The following HOOK3 variants were observed in gnomAD, a reference collection of about 807,000 sequenced individuals.
HOOK3 encodes the protein protein Hook homolog 3.
A neutral mutation model predicts 116.3 loss-of-function variants in HOOK3; 24 were observed. The observed-to-expected ratio is 0.21, with a 90% CI of 0.15 to 0.29. The LOEUF is 0.29. Ranked by LOEUF, HOOK3 falls within the 10% of genes least tolerant of loss-of-function variation. The probability of loss-of-function intolerance (pLI) is 1.00; values close to 1 mark genes in which losing one functional copy is unlikely to be tolerated. For missense variants in HOOK3, 632 were observed against 830.2 expected (o/e 0.76, Z 2.93); for synonymous variants, 275 against 283.0 (o/e 0.97, Z 0.28).
intron 6 of HOOK3, among the ~76,000 whole-genome samples, chr8:42,953,528 CACTCCAG>C (rs1195657119): frequency 6.6e-6 from 1 of 151,084 alleles, no homozygotes; most frequent in Non-Finnish European, 1.5e-5. Flanking sequence ...TGCGCCACTG[CACTCCAG>C]CCTGGGTGAT....
At chr8:43,015,943 CCTG>C (rs914536862) in intron 21 of HOOK3, among the ~76,000 whole-genome samples, 2 of 150,906 alleles carry the variant, frequency 1.3e-5, no homozygotes, top group African/African-American at 4.9e-5. Context: ...TTCTTGAATT[CCTG>C]ACCTCGTGAT....
At chr8:42,905,924 A>G (rs763980436) in intron 1 of HOOK3, among the ~76,000 whole-genome samples, 15 of 152,074 alleles carry the variant, frequency 9.9e-5, no homozygotes, top group Non-Finnish European at 1.8e-4. Flanking sequence ...TGTATCTACT[A>G]AAGATACAGA....
At chr8:42,950,330 G>A (rs1808316191) in intron 5 of HOOK3, 58 bp from the exon 6 acceptor site, 1 of 1,122,986 alleles carries the variant, frequency 8.9e-7, no homozygotes, top group Non-Finnish European at 1.4e-6. Flanking sequence ...TATGAGCCTT[G>A]ATTCCCTTGA....
chr8:42,960,602 CTT>C (rs1158917629), intron 8 of HOOK3, among the ~76,000 whole-genome samples: 13 of 152,148 alleles, frequency 8.5e-5, no homozygotes, highest in Admixed American at 8.5e-4. Flanking sequence ...GAAATGATGG[CTT>C]TCATCTTAAC....
chr8:42,975,772 C>A (rs1288847572), intron 13 of HOOK3, among the ~76,000 whole-genome samples: 1 of 152,198 alleles, frequency 6.6e-6, no homozygotes, highest in East Asian at 1.9e-4. Context: ...GTGGCGAGAT[C>A]TTGGCTCAGT....
intron 14 of HOOK3, among the ~76,000 whole-genome samples, chr8:42,984,761 G>A (rs1467511244): frequency 6.6e-6 from 1 of 152,042 alleles, no homozygotes; most frequent in Admixed American, 6.5e-5. Flanking sequence ...AAAATTAGCT[G>A]GGTGTGCTAG....
chr8:42,968,147 T>A lies in HOOK3; in HGVS notation c.1055T>A (p.Val352Asp), dbSNP rs375821032. The change falls in exon 11 of 22, where the codon GTC becomes GAC. Residue 352 changes from valine (V) to aspartate (D), a missense_variant. Transcript: ENST00000307602. ...AATACCATGTATATGCAGAATACTG[T>A]CAGTCTAGAGGAAGAGTTAAGAAAG... ...EKNTMYMQNTVSLEEELRKAN... is the reference protein window; with the variant it reads ...EKNTMYMQNTDSLEEELRKAN... The A allele has an allele frequency of 6.2e-7, 1 of 1,613,912 alleles. No individual in the cohort carries two copies. Among genetic ancestry groups the A allele is most frequent in the Non-Finnish European group, 8.5e-7 (1 of 1,179,834 alleles).
intron 3 of HOOK3, among the ~76,000 whole-genome samples, chr8:42,926,783 T>A (rs945861406): frequency 5.9e-5 from 9 of 152,236 alleles, no homozygotes; most frequent in Non-Finnish European, 1.3e-4. Flanking sequence ...TATGTTAGTG[T>A]GTGCAGTTCT....
intron 1 of HOOK3, among the ~76,000 whole-genome samples, chr8:42,900,003 C>G (rs1277379671): frequency 6.6e-6 from 1 of 152,112 alleles, no homozygotes; most frequent in East Asian, 1.9e-4. Flanking sequence ...AGCTCAAGTA[C>G]TTAAAGGGAT....
At chr8:42,940,541 G>A (rs370299457) in intron 4 of HOOK3, among the ~76,000 whole-genome samples, 6 of 152,160 alleles carry the variant, frequency 3.9e-5, no homozygotes, top group African/African-American at 7.2e-5. Flanking sequence ...GAGGGAGAGC[G>A]AAAATGCTTT....
intron 8 of HOOK3, among the ~76,000 whole-genome samples, chr8:42,962,598 G>T (rs903381596): frequency 2.8e-4 from 43 of 151,390 alleles, no homozygotes; most frequent in African/African-American, 1.0e-3. Flanking sequence ...TGGAGACAGG[G>T]TCTCACTGTG....
chr8:42,931,425 CTT>C lies in HOOK3; in HGVS notation c.267+1276_267+1277del, dbSNP rs764965780. Among the ~76,000 whole-genome samples the C allele has an allele frequency of 9.6e-3, 959 of 100,356 alleles. 1 individual carries two copies. The highest frequency in any genetic ancestry group is 0.015 in the Non-Finnish European group (784 of 53,908). 65.8% of individuals were successfully genotyped at this position (100,356 alleles called of 152,430 possible). On this transcript the variant is annotated intron_variant, in intron 4 of 21. Transcript: ENST00000307602. ...TCACCCCATTATATTCTTCTCTTCT[CTT>C]TTTTTTTTTTTTTTTTTTTTTTGAG...
rs747773074 is a variant in HOOK3, at chr8:42,943,305, C to A, written c.268-8C>A. 6 of 1,434,306 alleles carry A rather than the reference C, an allele frequency of 4.2e-6. No homozygotes were observed. Among genetic ancestry groups the A allele is most frequent in the Middle Eastern group, 1.8e-4 (1 of 5,424 alleles). 88.8% of individuals were successfully genotyped at this position (1,434,306 alleles called of 1,614,324 possible). A position where few individuals can be genotyped will look rare whatever the true frequency, so the allele number is the denominator to read the frequency against. On this transcript the variant is annotated splice_polypyrimidine_tract_variant and splice_region_variant and intron_variant, in intron 4 of 21. Transcript: ENST00000307602. ...AAATGCAATTATAATCCTTTTATCT[C>A]CATTCAGATTTTAGGACAGCAAATT...
intron 14 of HOOK3, among the ~76,000 whole-genome samples, chr8:42,983,370 C>T (rs533096495): frequency 5.3e-4 from 80 of 151,652 alleles, no homozygotes; most frequent in Non-Finnish European, 9.1e-4. Flanking sequence ...GCTAACCACA[C>T]GGAAAGGTCT....
intron 4 of HOOK3, among the ~76,000 whole-genome samples, chr8:42,935,555 G>A (rs894787735): frequency 6.6e-6 from 1 of 152,038 alleles, no homozygotes; most frequent in African/African-American, 2.4e-5. Context: ...TCCATCTTGA[G>A]TTAATTTTTG....
At chr8:42,926,403 AGCCTTCCAAGGAGCTTAGGATTACAG>A (rs1192679735) in intron 3 of HOOK3, among the ~76,000 whole-genome samples, 3 of 152,288 alleles carry the variant, frequency 2.0e-5, no homozygotes, top group Admixed American at 6.5e-5. Flanking sequence ...CTCCTGCCTT[AGCCTTCCAAGGAGCTTAGGATTACAG>A]GCATCCGCCA....
chr8:42,931,492 C>T lies in HOOK3; in HGVS notation c.267+1320C>T, dbSNP rs181483768. 1.0e-4 allele frequency among the ~76,000 whole-genome samples: 14 copies of T among 137,900 alleles called. No individual in the cohort carries two copies. In the East Asian group the frequency reaches 3.0e-3, roughly 30 times the overall value. 90.5% of individuals were successfully genotyped at this position (137,900 alleles called of 152,430 possible). A position where few individuals can be genotyped will look rare whatever the true frequency, so the allele number is the denominator to read the frequency against. On this transcript the variant is annotated intron_variant, in intron 4 of 21. Coordinates refer to ENST00000307602, the MANE Select transcript of HOOK3 (RefSeq NM_032410.4). ...TGTCACCCAGTGTGGAGTGCAGTGG[C>T]GCAATCTCAGCTCACTGCAAGCTCT...
chr8:43,013,247 T>C (rs1809646431), intron 20 of HOOK3, 82 bp from the exon 21 acceptor site: 2 of 1,397,668 alleles, frequency 1.4e-6, no homozygotes, highest in Admixed American at 4.4e-5. Context: ...TCATGAGTTT[T>C]AACAATTAAT....
At chr8:42,928,760 G>A (rs933322619) in intron 3 of HOOK3, among the ~76,000 whole-genome samples, 3 of 152,044 alleles carry the variant, frequency 2.0e-5, no homozygotes, top group Non-Finnish European at 2.9e-5. Context: ...CAAGATATAC[G>A]ACCGGGCACA....
Sources: gnomAD v4.1 joint callset for allele counts (sites outside exome capture counted in the v4.1 genomes callset) on GRCh38, gnomAD v4.1.1 for gene constraint, MANE v1.5 for transcripts, NCBI Gene and HGNC (gene_info 2026-07-23, HGNC 2026-07-21) for gene names.